The following KCTD8 variants were observed in gnomAD, a reference collection of about 807,000 sequenced individuals.
KCTD8 encodes BTB/POZ domain-containing protein KCTD8.
Under a neutral mutation model 31.5 loss-of-function variants are expected in KCTD8, and 27 were observed. That is an observed-to-expected ratio of 0.86 (90% CI 0.63 to 1.18). The LOEUF (loss-of-function observed/expected upper bound fraction) is 1.18. Among genes scored for constraint, KCTD8 ranks in the 50% most tolerant of loss-of-function variants. The pLI is 0.00. For synonymous variants in KCTD8, 290 were observed against 280.0 expected, an observed-to-expected ratio of 1.04 and a Z score of -0.36; for missense variants, 658 against 647.7, an observed-to-expected ratio of 1.02 and a Z score of -0.17.
chr4:44,329,162 C>T (rs1269433154), intron 1 of KCTD8, among the ~76,000 whole-genome samples: 1 of 143,008 alleles, frequency 7.0e-6, no homozygotes, highest in Non-Finnish European at 1.5e-5. Flanking sequence ...AAATCCTCCA[C>T]TTTTTTTTTT....
intron 1 of KCTD8, among the ~76,000 whole-genome samples, chr4:44,257,776 G>A (rs1716031080): frequency 6.6e-6 from 1 of 151,984 alleles, no homozygotes; most frequent in Non-Finnish European, 1.5e-5. Context: ...TTAAAAATGA[G>A]TTGAAAGTAA....
chr4:44,397,438 ATG>A (rs970640935), intron 1 of KCTD8, among the ~76,000 whole-genome samples: 1 of 152,292 alleles, frequency 6.6e-6, no homozygotes, highest in East Asian at 1.9e-4. Context: ...GTGTGCATGC[ATG>A]TGTGTGTGGG....
intron 1 of KCTD8, among the ~76,000 whole-genome samples, chr4:44,395,891 A>G (rs1354730732): frequency 6.6e-6 from 1 of 152,086 alleles, no homozygotes; most frequent in Non-Finnish European, 1.5e-5. Context: ...GTTGTGGAAG[A>G]CAATTTTTTT....
At chr4:44,440,633 G>A (rs947460688) in intron 1 of KCTD8, among the ~76,000 whole-genome samples, 1 of 152,154 alleles carries the variant, frequency 6.6e-6, no homozygotes, top group Non-Finnish European at 1.5e-5. Flanking sequence ...AACATCTCTA[G>A]TTCATTCCTT....
At chr4:44,192,457 G>A (rs892836871) in intron 1 of KCTD8, among the ~76,000 whole-genome samples, 1 of 149,438 alleles carries the variant, frequency 6.7e-6, no homozygotes, top group Middle Eastern at 3.4e-3. Flanking sequence ...AGTGGATGGG[G>A]TGCAAGGTAA....
At chr4:44,409,336 A>T (rs1389231940) in intron 1 of KCTD8, among the ~76,000 whole-genome samples, 2 of 151,990 alleles carry the variant, frequency 1.3e-5, no homozygotes, top group African/African-American at 4.8e-5. Context: ...CCAGAGAAAG[A>T]CCCTAGGAAA....
intron 1 of KCTD8, among the ~76,000 whole-genome samples, chr4:44,301,376 C>A (rs1046173651): frequency 2.6e-5 from 4 of 152,134 alleles, no homozygotes; most frequent in Non-Finnish European, 5.9e-5. Context: ...TCTCCAGCAC[C>A]TGTTGTTTCC....
intron 1 of KCTD8, among the ~76,000 whole-genome samples, chr4:44,244,212 C>T (rs1434825003): frequency 2.6e-5 from 4 of 152,172 alleles, no homozygotes; most frequent in African/African-American, 9.7e-5. Context: ...CTCTTCAGTA[C>T]CCTAAACAGG....
chr4:44,283,078 G>C (rs1716947455), intron 1 of KCTD8, among the ~76,000 whole-genome samples: 1 of 141,284 alleles, frequency 7.1e-6, no homozygotes, highest in African/African-American at 2.7e-5. Flanking sequence ...TTATTATTGA[G>C]ACAGAGTCTT....
intron 1 of KCTD8, among the ~76,000 whole-genome samples, chr4:44,372,230 A>G (rs1419362109): frequency 2.0e-5 from 3 of 152,202 alleles, no homozygotes; most frequent in Non-Finnish European, 2.9e-5. Flanking sequence ...TGTACCAAAA[A>G]TTATTGGTAA....
chr4:44,414,041 C>CT (rs1297800503), intron 1 of KCTD8, among the ~76,000 whole-genome samples: 1 of 152,160 alleles, frequency 6.6e-6, no homozygotes, highest in African/African-American at 2.4e-5. Context: ...AAACCCAGCT[C>CT]TGCTGACACC....
chr4:44,221,078 T>C (rs1206913503), intron 1 of KCTD8, among the ~76,000 whole-genome samples: 4 of 152,216 alleles, frequency 2.6e-5, no homozygotes, highest in African/African-American at 9.7e-5. Context: ...CCCATGGTTA[T>C]CCTTGGAATT....
intron 1 of KCTD8, among the ~76,000 whole-genome samples, chr4:44,228,784 G>T (rs1337420969): frequency 2.6e-5 from 4 of 151,852 alleles, no homozygotes; most frequent in Non-Finnish European, 4.4e-5. Context: ...CTCATTTTTT[G>T]CTTTAGACTC....
At chr4:44,389,812 G>A (rs539582362) in intron 1 of KCTD8, among the ~76,000 whole-genome samples, 1 of 151,624 alleles carries the variant, frequency 6.6e-6, no homozygotes, top group African/African-American at 2.4e-5. Context: ...GAACTATGCA[G>A]GTCCATTTAT....
Position 44,369,209 on chromosome 4 carries a change from G to A in KCTD8, c.961+78354C>T, listed in dbSNP as rs371260135. ...TCGGCACAGTCTTCTGTAATTGATTGGACAGAGATTATTTAAATTCCTTTA... is the reference window on the plus strand; with the variant it reads ...TCGGCACAGTCTTCTGTAATTGATTAGACAGAGATTATTTAAATTCCTTTA... On this transcript the variant is annotated intron_variant, in intron 1 of 1. Transcript: ENST00000360029. Among the ~76,000 whole-genome samples the A allele has an allele frequency of 9.2e-5, 14 of 152,234 alleles. No homozygotes were observed. The East Asian group carries it at 1.9e-3, about 21-fold the overall frequency.
At chr4:44,364,137 T>G (rs1166028772) in intron 1 of KCTD8, among the ~76,000 whole-genome samples, 2 of 152,026 alleles carry the variant, frequency 1.3e-5, no homozygotes, top group Non-Finnish European at 2.9e-5. Context: ...GTTAAGACAA[T>G]GAAAATGCAA....
chr4:44,428,578 T>C (rs1721401826), intron 1 of KCTD8, among the ~76,000 whole-genome samples: 1 of 151,830 alleles, frequency 6.6e-6, no homozygotes, highest in Non-Finnish European at 1.5e-5. Flanking sequence ...CTCCCAAAAG[T>C]GTGCACAAGA....
At chr4:44,421,886 T>C (rs972141877) in intron 1 of KCTD8, among the ~76,000 whole-genome samples, 6 of 152,156 alleles carry the variant, frequency 3.9e-5, no homozygotes, top group Admixed American at 1.3e-4. Context: ...ATAATGCTTA[T>C]GGTTTCTAAT....
intron 1 of KCTD8, among the ~76,000 whole-genome samples, chr4:44,204,834 T>C (rs551723496): frequency 6.6e-6 from 1 of 152,172 alleles, no homozygotes; most frequent in Non-Finnish European, 1.5e-5. Context: ...TAAAATATTA[T>C]TTTTATTTGA....
Sources: allele counts gnomAD v4.1 joint callset (sites outside exome capture counted in the v4.1 genomes callset), GRCh38; gene constraint gnomAD v4.1.1; transcripts MANE v1.5; gene names NCBI Gene and HGNC (gene_info 2026-07-23, HGNC 2026-07-21).